The following TICRR variants were observed in gnomAD, a reference collection of about 807,000 sequenced individuals.
TICRR encodes TOPBP1 interacting checkpoint and replication regulator, also known as treslin.
Under a neutral mutation model 178.1 loss-of-function variants are expected in TICRR, and 132 were observed. The observed-to-expected ratio is 0.74, with a 90% CI of 0.64 to 0.86. The LOEUF is 0.86. TICRR is among the 40% of genes least tolerant of loss of function. The pLI is 0.00. For synonymous variants in TICRR, 991 were observed against 900.7 expected (o/e 1.10, Z -1.79); for missense variants, 2,587 against 2,334.3 (o/e 1.11, Z -2.23).
chr15:89,601,603 T>G, intron 11 of TICRR, 35 bp downstream of exon 11: 9 of 1,612,772 alleles, frequency 5.6e-6, no homozygotes, highest in Non-Finnish European at 7.6e-6. Context: ...ACTTTAAAAT[T>G]GTTTTGTCAA....
At chr15:89,609,763 C>T (rs566234107) in intron 15 of TICRR, among the ~76,000 whole-genome samples, 4 of 151,624 alleles carry the variant, frequency 2.6e-5, no homozygotes, top group South Asian at 2.1e-4. Flanking sequence ...TGAGCTACCG[C>T]GTCTGGCCTC....
chr15:89,599,214 C>T (rs1251837598), intron 7 of TICRR, 110 bp from the exon 8 acceptor site: 4 of 916,768 alleles, frequency 4.4e-6, no homozygotes, highest in Non-Finnish European at 6.3e-6. Flanking sequence ...CAGACAAGGC[C>T]AAATGTTCCC....
chr15:89,584,392 C>T lies in TICRR; in HGVS notation c.1041C>T (p.Ala347=), dbSNP rs1239213221. ...GAATTTTTCTAAAAGGCTCAGTGGC[C>T]CAGTGGTCTCTCCCAACGAGCAGCA... is the stretch of plus-strand genomic sequence containing the variant. ...PVRIFLKGSV[A]QWSLPTSSTL... is the part of the protein sequence containing the mutation. The change falls in exon 3 of 22, where the codon GCC becomes GCT. Residue 347 remains alanine (A), a synonymous_variant. Coordinates refer to ENST00000268138, the MANE Select transcript of TICRR (RefSeq NM_152259.4). The T allele has an allele frequency of 6.2e-7, 1 of 1,614,104 alleles. No individual in the cohort carries two copies. Among genetic ancestry groups the T allele is most frequent in the African/African-American group, 1.3e-5 (1 of 75,030 alleles).
Position 89,625,202 on chromosome 15 carries a change from A to G in TICRR, c.4892A>G (p.His1631Arg). The change falls in exon 20 of 22, where the codon CAC becomes CGC. Residue 1631 changes from histidine to arginine, a missense_variant. His to Arg is a conservative substitution (Grantham distance 29). Transcript: ENST00000268138. The stretch of plus-strand genomic sequence containing the variant: ...TCACCCCCCTGCCCCCGCCTCTCCC[A>G]CAGCACACCTGGCAAGAGCAGGGGG... ...YVSPPCPRLS[H>R]STPGKSRGQT... 1 of 1,613,434 alleles carries G rather than the reference A, an allele frequency of 6.2e-7. No homozygotes were observed. Among genetic ancestry groups the G allele is most frequent in the Non-Finnish European group, 8.5e-7 (1 of 1,179,796 alleles).
intron 15 of TICRR, among the ~76,000 whole-genome samples, chr15:89,614,143 G>C (rs1963298139): frequency 6.6e-6 from 1 of 152,050 alleles, no homozygotes; most frequent in Non-Finnish European, 1.5e-5. Flanking sequence ...AACAGAGCGA[G>C]ACTCTGTCTC....
At chr15:89,622,797 C>T in intron 19 of TICRR, among the ~76,000 whole-genome samples, 1 of 152,182 alleles carries the variant, frequency 6.6e-6, no homozygotes, top group Non-Finnish European at 1.5e-5. Flanking sequence ...TCTATGCCTA[C>T]AGGCCGCCAC....
At chr15:89,613,903 C>T (rs1411908939) in intron 15 of TICRR, among the ~76,000 whole-genome samples, 1 of 152,032 alleles carries the variant, frequency 6.6e-6, no homozygotes, top group African/African-American at 2.4e-5. Flanking sequence ...GCCTGTAATC[C>T]CAGCACTTTG....
At chr15:89,620,263 C>G (rs1963403170) in intron 18 of TICRR, among the ~76,000 whole-genome samples, 1 of 152,190 alleles carries the variant, frequency 6.6e-6, no homozygotes, top group African/African-American at 2.4e-5. Flanking sequence ...GGCTGGAGTG[C>G]AGTGGCACGA....
At chr15:89,587,584 GA>G (rs1487201711) in intron 4 of TICRR, among the ~76,000 whole-genome samples, 1 of 152,142 alleles carries the variant, frequency 6.6e-6, no homozygotes, top group Non-Finnish European at 1.5e-5. Flanking sequence ...TGGTACCCTG[GA>G]AGCCAAGTGA....
Position 89,627,280 on chromosome 15 carries a change from CAGG to C in TICRR, c.*200_*202del, listed in dbSNP as rs1169268822. ...GCCCTGCCCCTTGTTGGGGAAGTTG[CAGG>C]AGGAGAGGTGGATGGCAATGTGATT... is the stretch of plus-strand genomic sequence containing the variant. On this transcript the variant is annotated 3_prime_UTR_variant, in exon 22 of 22. Transcript: ENST00000268138. The C allele has an allele frequency of 7.5e-6, 5 of 663,196 alleles. No individual in the cohort carries two copies. Among genetic ancestry groups the C allele is most frequent in the South Asian group, 2.2e-5 (1 of 44,974 alleles). The allele number at this position is 663,196 out of a possible 1,614,324, so 41.1% of individuals were successfully genotyped here. A position where few individuals can be genotyped will look rare whatever the true frequency, so the allele number is the denominator to read the frequency against.
At chr15:89,605,151 C>T (rs545376956) in intron 13 of TICRR, among the ~76,000 whole-genome samples, 2 of 152,284 alleles carry the variant, frequency 1.3e-5, no homozygotes, top group African/African-American at 4.8e-5. Flanking sequence ...CTGTAAAGGG[C>T]CAGATAGTAG....
chr15:89,595,743 AG>A, intron 7 of TICRR, 132 bp downstream of exon 7: 1 of 663,202 alleles, frequency 1.5e-6, no homozygotes, highest in African/African-American at 1.8e-5. Flanking sequence ...GTAAATAATA[AG>A]ATAATGTGCT....
At chr15:89,625,869 T>C (rs1279099801) in intron 20 of TICRR, 67 bp from the exon 21 acceptor site, 5 of 1,543,592 alleles carry the variant, frequency 3.2e-6, no homozygotes, top group East Asian at 2.3e-5. Flanking sequence ...GAGTTGCTTC[T>C]TGGGAGGCCT....
rs71151515 is a variant in TICRR at position 89,601,048 on chromosome 15, G to GAAAA, written c.2154-230_2154-227dup. ...GCAACAGAGCAAGACCCTGTCTCAGGAAAAAAAAAAAAAAAAAAAAAAAGA... is the reference window on the plus strand; with the variant it reads ...GCAACAGAGCAAGACCCTGTCTCAGGAAAAAAAAAAAAAAAAAAAAAAAAAAAGA... On this transcript the variant is annotated intron_variant, in intron 9 of 21. Coordinates refer to ENST00000268138, the MANE Select transcript of TICRR (RefSeq NM_152259.4). Among the ~76,000 whole-genome samples the GAAAA allele has an allele frequency of 1.1e-3, 79 of 74,788 alleles. 1 individual carries two copies. The highest frequency in any genetic ancestry group is 3.7e-3 in the East Asian group (9 of 2,416). 49.1% of individuals were successfully genotyped at this position (74,788 alleles called of 152,430 possible). A position where few individuals can be genotyped will look rare whatever the true frequency, so the allele number is the denominator to read the frequency against.
Position 89,625,174 on chromosome 15 carries a change from G to T in TICRR, c.4864G>T (p.Val1622Leu). The T allele has an allele frequency of 6.2e-7, 1 of 1,613,726 alleles. No individual in the cohort carries two copies. The highest frequency in any genetic ancestry group is 1.1e-5 in the South Asian group (1 of 91,084). ...RSLSKPEPTY[V>L]SPPCPRLSHS... ...CTTAAGCAAACCTGAACCCACCTAT[G>T]TGTCACCCCCCTGCCCCCGCCTCTC... Residue 1622 changes from valine (V) to leucine (L), a missense_variant, in exon 20 of 22, where the codon GTG becomes TTG. Val to Leu is a conservative substitution (Grantham distance 32). Coordinates refer to ENST00000268138, the MANE Select transcript of TICRR (RefSeq NM_152259.4).
chr15:89,584,361 C>T lies in TICRR; in HGVS notation c.1010C>T (p.Pro337Leu). The change falls in exon 3 of 22, where the codon CCA becomes CTA. Residue 337 changes from proline (P) to leucine (L), a missense_variant. Coordinates refer to ENST00000268138, the MANE Select transcript of TICRR (RefSeq NM_152259.4). ...LAMHQRHFQK[P>L]VRIFLKGSVA... Reference sequence around the variant, plus strand: ...ATGCATCAGAGACATTTTCAGAAACCAGTCAGAATTTTTCTAAAAGGCTCA... The same window carrying T: ...ATGCATCAGAGACATTTTCAGAAACTAGTCAGAATTTTTCTAAAAGGCTCA... 1 of 1,614,136 alleles carries T rather than the reference C, an allele frequency of 6.2e-7. No homozygotes were observed. The highest frequency in any genetic ancestry group is 1.3e-5 in the African/African-American group (1 of 75,018).
chr15:89,626,136 G>C (rs1015527276), intron 21 of TICRR, 75 bp downstream of exon 21: 2 of 1,557,898 alleles, frequency 1.3e-6, no homozygotes, highest in African/African-American at 2.7e-5. Flanking sequence ...CAGGCAGCTC[G>C]ATTCTAGAGG....
chr15:89,595,631 ATTTACTC>A lies in TICRR; in HGVS notation c.1900+24_1900+30del. On this transcript the variant is annotated intron_variant, in intron 7 of 21. Transcript: ENST00000268138. ...CTAAAGGTATTCCTCTTAGTCTATA[ATTTACTC>A]TTTTATACCCCGCTTTTTTAAAAAT... 1.9e-6 allele frequency: 3 copies of A among 1,592,650 alleles called. No individual in the cohort carries two copies. The highest frequency in any genetic ancestry group is 2.6e-6 in the Non-Finnish European group (3 of 1,163,522).
At chr15:89,592,011 GT>G in intron 4 of TICRR, 35 bp from the exon 5 acceptor site, 1 of 1,587,344 alleles carries the variant, frequency 6.3e-7, no homozygotes, top group Non-Finnish European at 8.6e-7. Flanking sequence ...TTCTCATGCT[GT>G]TTCCTCTCCT....
Sources: allele counts gnomAD v4.1 joint callset (sites outside exome capture counted in the v4.1 genomes callset), GRCh38; gene constraint gnomAD v4.1.1; transcripts MANE v1.5; gene names NCBI Gene and HGNC (gene_info 2026-07-23, HGNC 2026-07-21).